Variants in CD109 observed in about 807,000 individuals in gnomAD.
CD109 encodes the protein CD109 molecule.
In CD109, 149 loss-of-function variants were observed where a neutral mutation model predicts 165.8. That is an observed-to-expected ratio of 0.90 (90% CI 0.79 to 1.03). CD109 has a LOEUF of 1.03. CD109 is among the 50% of genes least tolerant of loss of function. The probability of loss-of-function intolerance (pLI) is 0.00; values close to 1 mark genes in which losing one functional copy is unlikely to be tolerated. For missense variants in CD109, 1,712 were observed against 1,677.8 expected (o/e 1.02, Z -0.36); for synonymous variants, 585 against 592.1 (o/e 0.99, Z 0.18).
At chr6:73,818,273 C>A in intron 30 of CD109, 115 bp from the exon 31 acceptor site, 1 of 1,051,882 alleles carries the variant, frequency 9.5e-7, no homozygotes, top group Non-Finnish European at 1.4e-6. Context: ...TTTATTTGAA[C>A]TCAAACAGTG....
intron 26 of CD109, among the ~76,000 whole-genome samples, chr6:73,809,752 TACTTA>T (rs1302997123): frequency 6.6e-6 from 1 of 152,122 alleles, no homozygotes; most frequent in African/African-American, 2.4e-5. Flanking sequence ...GGATAAGATA[TACTTA>T]ACTTGTAATA....
intron 7 of CD109, among the ~76,000 whole-genome samples, chr6:73,761,492 CTT>C (rs1370819132): frequency 1.3e-5 from 2 of 152,116 alleles, no homozygotes; most frequent in South Asian, 2.1e-4. Flanking sequence ...ATTTTGGAAA[CTT>C]AATTTCAAGG....
intron 5 of CD109, among the ~76,000 whole-genome samples, chr6:73,751,387 C>T (rs1405835081): frequency 6.6e-6 from 1 of 152,088 alleles, no homozygotes; most frequent in African/African-American, 2.4e-5. Flanking sequence ...GCTCATAACT[C>T]CATCTTTAGC....
At chr6:73,799,858 A>ATTT (rs567805191) in intron 23 of CD109, among the ~76,000 whole-genome samples, 1 of 142,494 alleles carries the variant, frequency 7.0e-6, no homozygotes. Flanking sequence ...TCCCCCCGCA[A>ATTT]TTTTTTTTTT....
intron 22 of CD109, among the ~76,000 whole-genome samples, chr6:73,791,645 A>T (rs1427073557): frequency 1.3e-5 from 2 of 152,064 alleles, no homozygotes; most frequent in African/African-American, 4.8e-5. Flanking sequence ...TGTTTTAAAG[A>T]CCTATTTTGT....
intron 3 of CD109, among the ~76,000 whole-genome samples, chr6:73,728,551 A>G (rs1051554728): frequency 6.6e-6 from 1 of 152,190 alleles, no homozygotes; most frequent in Non-Finnish European, 1.5e-5. Flanking sequence ...CCATCTTTCT[A>G]TCCATCCATT....
chr6:73,699,684 C>A (rs932776013), intron 2 of CD109, among the ~76,000 whole-genome samples: 1 of 152,074 alleles, frequency 6.6e-6, no homozygotes, highest in Non-Finnish European at 1.5e-5. Context: ...AAGACTGGGG[C>A]GGGCAAAGCT....
At chr6:73,761,067 ACAC>A (rs1554175833) in intron 7 of CD109, among the ~76,000 whole-genome samples, 4 of 135,502 alleles carry the variant, frequency 3.0e-5, no homozygotes, top group Non-Finnish European at 4.9e-5. Flanking sequence ...ACACACACAC[ACAC>A]AAACCCAGAA....
intron 10 of CD109, 32 bp from the exon 11 acceptor site, chr6:73,765,898 G>A (rs373660131): frequency 3.5e-6 from 5 of 1,433,876 alleles, no homozygotes; most frequent in Non-Finnish European, 4.9e-6. Flanking sequence ...TAAATCCTTT[G>A]TGTTTTTAAG....
the CD109 span, among the ~76,000 whole-genome samples, chr6:73,689,394 T>A: frequency 1.2e-4 from 18 of 152,160 alleles, no homozygotes; most frequent in Non-Finnish European, 1.5e-4. Context: ...TGTGTTGGGA[T>A]TGAATTGACT....
At chr6:73,822,454 T>C (rs1407430945) in intron 32 of CD109, among the ~76,000 whole-genome samples, 1 of 152,196 alleles carries the variant, frequency 6.6e-6, no homozygotes, top group Non-Finnish European at 1.5e-5. Context: ...GTCTTTTGCC[T>C]CCTGTTGGCA....
intron 9 of CD109, 139 bp from the exon 10 acceptor site, chr6:73,763,437 A>C (rs1773714620): frequency 3.8e-6 from 2 of 525,972 alleles, no homozygotes; most frequent in East Asian, 3.0e-5. Flanking sequence ...TGTAGTGTCA[A>C]AGTCAATATG....
intron 4 of CD109, among the ~76,000 whole-genome samples, chr6:73,733,554 A>G (rs558353681): frequency 9.6e-4 from 146 of 152,302 alleles, no homozygotes; most frequent in Middle Eastern, 3.4e-3. Context: ...GCCTGACACA[A>G]TGGAATTGAG....
At chr6:73,752,247 G>A (rs141864137) in intron 5 of CD109, among the ~76,000 whole-genome samples, 107 of 152,198 alleles carry the variant, frequency 7.0e-4, no homozygotes, top group African/African-American at 2.4e-3. Flanking sequence ...TTTTTTAATG[G>A]TCATGTAATA....
chr6:73,737,634 T>A (rs1257528349), intron 5 of CD109, among the ~76,000 whole-genome samples: 3 of 152,250 alleles, frequency 2.0e-5, no homozygotes, highest in African/African-American at 7.2e-5. Context: ...ACCACTGTTA[T>A]AAATGGCAGC....
upstream of CD109, among the ~76,000 whole-genome samples, chr6:73,693,665 C>T (rs1770728906): frequency 6.6e-6 from 1 of 152,162 alleles, no homozygotes; most frequent in Non-Finnish European, 1.5e-5. Flanking sequence ...ATTGTCATGC[C>T]ACAGCCTCCT....
At chr6:73,705,661 T>C (rs555456594) in intron 2 of CD109, among the ~76,000 whole-genome samples, 9 of 148,294 alleles carry the variant, frequency 6.1e-5, no homozygotes, top group Non-Finnish European at 1.3e-4. Context: ...AAGAATAGAA[T>C]AGACAACGAG....
intron 3 of CD109, among the ~76,000 whole-genome samples, chr6:73,729,616 G>A (rs1171028165): frequency 1.3e-5 from 2 of 151,694 alleles, no homozygotes; most frequent in East Asian, 3.9e-4. Context: ...ATGTTCAAGC[G>A]ATTCTCCTGC....
chr6:73,689,594 A>G, the CD109 span, among the ~76,000 whole-genome samples: 79 of 151,862 alleles, frequency 5.2e-4, no homozygotes, highest in Non-Finnish European at 9.0e-4. Context: ...TGCTTATGAC[A>G]TATTTCTTGA....
Sources: gnomAD v4.1 joint callset for allele counts (sites outside exome capture counted in the v4.1 genomes callset) on GRCh38, gnomAD v4.1.1 for gene constraint, MANE v1.5 for transcripts, NCBI Gene and HGNC (gene_info 2026-07-23, HGNC 2026-07-21) for gene names.